Variants in TGFBR1 observed in about 807,000 individuals in gnomAD.
TGFBR1 encodes TGF-beta receptor type-1.
A neutral mutation model predicts 55.1 loss-of-function variants in TGFBR1; 20 were observed. That is an observed-to-expected ratio of 0.36 (90% CI 0.26 to 0.53). TGFBR1 has a LOEUF of 0.53. Among genes scored for constraint, TGFBR1 ranks in the 20% least tolerant of loss-of-function variants. The pLI is 0.91. For synonymous variants in TGFBR1, 220 were observed against 214.8 expected, an observed-to-expected ratio of 1.02 and a Z score of -0.21; for missense variants, 385 against 617.6, an observed-to-expected ratio of 0.62 and a Z score of 3.99.
At chr9:99,110,053 G>A (rs2118254130) in intron 1 of TGFBR1, among the ~76,000 whole-genome samples, 1 of 152,260 alleles carries the variant, frequency 6.6e-6, no homozygotes, top group South Asian at 2.1e-4. Flanking sequence ...TTCCAGGTAA[G>A]TTTCTTATGG....
upstream of TGFBR1, among the ~76,000 whole-genome samples, chr9:99,104,452 T>C (rs1002833513): frequency 6.6e-6 from 1 of 151,964 alleles, no homozygotes; most frequent in African/African-American, 2.4e-5. Flanking sequence ...CTGAGGACTT[T>C]CTGGGTTTGG....
rs1425799282 is a variant in TGFBR1 at position 99,122,884 on chromosome 9, C to G, written c.98-5971C>G. Among the ~76,000 whole-genome samples the G allele has an allele frequency of 2.0e-5, 3 of 152,076 alleles. No homozygotes were observed. The East Asian group carries it at 5.8e-4, about 29-fold the overall frequency. ...AACATCCCAATCTGAAATTCAAAAC[C>G]TTTTGAGCACACCAACATGATGCCA... On this transcript the variant is annotated intron_variant, in intron 1 of 8. Coordinates refer to ENST00000374994, the MANE Select transcript of TGFBR1 (RefSeq NM_004612.4).
intron 1 of TGFBR1, among the ~76,000 whole-genome samples, chr9:99,127,441 A>G (rs1356204302): frequency 1.3e-5 from 2 of 152,222 alleles, no homozygotes; most frequent in African/African-American, 4.8e-5. Context: ...AAGCTGTCTG[A>G]CAAAATTGGT....
intron 4 of TGFBR1, 104 bp downstream of exon 4, chr9:99,138,193 C>T: frequency 2.0e-6 from 2 of 1,010,954 alleles, no homozygotes; most frequent in Non-Finnish European, 3.1e-6. Context: ...ACATAGATGT[C>T]TCTCATGTAG....
intron 1 of TGFBR1, among the ~76,000 whole-genome samples, chr9:99,114,944 C>A (rs540846217): frequency 5.3e-5 from 8 of 152,244 alleles, no homozygotes; most frequent in South Asian, 4.1e-4. Context: ...TTAGGAGAGA[C>A]CACACTTATC....
chr9:99,116,444 G>C (rs1446173848), intron 1 of TGFBR1, among the ~76,000 whole-genome samples: 3 of 152,214 alleles, frequency 2.0e-5, no homozygotes, highest in African/African-American at 7.2e-5. Context: ...ATCTGATTTA[G>C]CTTAGTCTCT....
intron 1 of TGFBR1, among the ~76,000 whole-genome samples, chr9:99,112,025 G>T (rs765470121): frequency 6.6e-6 from 1 of 152,190 alleles, no homozygotes; most frequent in Non-Finnish European, 1.5e-5. Flanking sequence ...CATGTGTGGA[G>T]AAAGAGCATT....
Position 99,154,070 on chromosome 9 carries a change from T to C in TGFBR1, c.*4765T>C, listed in dbSNP as rs1828042566. ...GGATTGCTCTCACATTAAAGATAGT[T>C]ACTTCAATTTGAAGGCTGGATTTAG... On this transcript the variant is annotated 3_prime_UTR_variant, in exon 9 of 9. Transcript: ENST00000374994. The C allele has an allele frequency of 8.8e-6, 2 of 226,730 alleles. No homozygotes were observed. Among genetic ancestry groups the C allele is most frequent in the Middle Eastern group, 1.3e-3 (1 of 746 alleles). 14.0% of individuals were successfully genotyped at this position (226,730 alleles called of 1,614,324 possible).
chr9:99,127,857 T>C (rs1430854547), intron 1 of TGFBR1: 4 of 448,094 alleles, frequency 8.9e-6, no homozygotes, highest in South Asian at 3.1e-5. Context: ...CATTCTATCA[T>C]TGTGATTCAA....
chr9:99,122,556 T>C (rs1264582184), intron 1 of TGFBR1, among the ~76,000 whole-genome samples: 1 of 152,118 alleles, frequency 6.6e-6, no homozygotes, highest in African/African-American at 2.4e-5. Flanking sequence ...GATACTATAA[T>C]ACCATGAATA....
Position 99,144,739 on chromosome 9 carries a change from A to G in TGFBR1, c.981A>G (p.Pro327=), listed in dbSNP as rs1334608204. 5 of 1,613,760 alleles carry G rather than the reference A, an allele frequency of 3.1e-6. No individual in the cohort carries two copies. The highest frequency in any genetic ancestry group is 1.3e-5 in the African/African-American group (1 of 74,924). Residue 327 remains proline, a synonymous_variant, in exon 6 of 9, where the codon CCA becomes CCG. Coordinates refer to ENST00000374994, the MANE Select transcript of TGFBR1 (RefSeq NM_004612.4). ...TAATTTTTGATTCTTTAGGAAAGCC[A>G]GCCATTGCTCATAGAGATTTGAAAT... is the stretch of plus-strand genomic sequence containing the variant. ...HMEIVGTQGK[P]AIAHRDLKSK...
intron 1 of TGFBR1, among the ~76,000 whole-genome samples, chr9:99,110,816 A>T (rs1255424367): frequency 6.6e-6 from 1 of 152,228 alleles, no homozygotes; most frequent in East Asian, 1.9e-4. Context: ...TAGACCAGGA[A>T]ACTGAAGTTA....
chr9:99,137,912 A>G lies in TGFBR1; in HGVS notation c.628A>G (p.Ser210Gly). ...TIARTIVLQE[S>G]IGKGRFGEVW... ...TGCGAGAACTATTGTGTTACAAGAA[A>G]GCATTGGCAAAGGTCGATTTGGAGA... Residue 210 changes from serine (S) to glycine (G), a missense_variant, in exon 4 of 9, where the codon AGC becomes GGC. By Grantham distance (56) the Ser-to-Gly change is moderately conservative. Around this residue, in one of 5 missense-constraint regions of TGFBR1, gnomAD observed 85 missense variants for 228.4 expected, o/e 0.37. Transcript: ENST00000374994. 6.2e-7 allele frequency: 1 copy of G among 1,614,118 alleles called. No individual in the cohort carries two copies. Among genetic ancestry groups the G allele is most frequent in the Non-Finnish European group, 8.5e-7 (1 of 1,179,986 alleles).
intron 1 of TGFBR1, among the ~76,000 whole-genome samples, chr9:99,125,072 T>C (rs1032554077): frequency 2.0e-5 from 3 of 152,104 alleles, no homozygotes; most frequent in African/African-American, 7.2e-5. Context: ...GATGTTTAGG[T>C]TTTGCAGTAG....
chr9:99,112,923 TTC>T (rs3034200), intron 1 of TGFBR1, among the ~76,000 whole-genome samples: 35,980 of 150,304 alleles, frequency 0.24, 4,551 homozygotes, highest in East Asian at 0.46. Context: ...TCACCTCATA[TTC>T]TCTCTCTCTC....
rs2118572556 is a variant in TGFBR1 at position 99,129,036 on chromosome 9, G to A, written c.279G>A (p.Gly93=). The stretch of plus-strand genomic sequence containing the variant: ...TATGTGCACCCTCTTCAAAAACTGG[G>A]TCTGTGACTACAACATATTGCTGCA... The part of the protein sequence containing the change: ...PFVCAPSSKT[G]SVTTTYCCNQ... The change falls in exon 2 of 9, where the codon GGG becomes GGA. Residue 93 remains glycine, a synonymous_variant. Transcript: ENST00000374994. 6.2e-7 allele frequency: 1 copy of A among 1,613,806 alleles called. No homozygotes were observed. The highest frequency in any genetic ancestry group is 8.5e-7 in the Non-Finnish European group (1 of 1,179,930).
At chr9:99,145,855 G>A (rs1184329891) in intron 6 of TGFBR1, 1 of 154,324 alleles carries the variant, frequency 6.5e-6, no homozygotes, top group Non-Finnish European at 1.4e-5. Context: ...TGAGATTTCT[G>A]GATTCCCTGG....
chr9:99,119,273 C>G (rs999982368), intron 1 of TGFBR1, among the ~76,000 whole-genome samples: 3 of 152,208 alleles, frequency 2.0e-5, no homozygotes, highest in African/African-American at 7.2e-5. Flanking sequence ...TCTCTTACCA[C>G]AGTTCCTTCT....
chr9:99,111,295 CTTTT>C (rs3034196), intron 1 of TGFBR1, among the ~76,000 whole-genome samples: 1 of 55,154 alleles, frequency 1.8e-5, no homozygotes, highest in Non-Finnish European at 3.3e-5. Flanking sequence ...TGCACCCATG[CTTTT>C]TTTTTTTTTT....
Sources: gnomAD v4.1 joint callset for allele counts (sites outside exome capture counted in the v4.1 genomes callset) on GRCh38, gnomAD v4.1.1 for gene constraint, gnomAD v4.1.1 regional missense constraint, MANE v1.5 for transcripts, NCBI Gene and HGNC (gene_info 2026-07-23, HGNC 2026-07-21) for gene names.